RALB: variants seen among roughly 807,000 people sequenced by gnomAD.
RALB encodes RAS like proto-oncogene B.
In RALB, 16 loss-of-function variants were observed where a neutral mutation model predicts 21.3. The observed-to-expected ratio is 0.75, with a 90% CI of 0.51 to 1.14. RALB has a LOEUF of 1.14. Among genes scored for constraint, RALB ranks in the 50% most tolerant of loss-of-function variants. RALB has a pLI of 0.00. For missense variants in RALB, 161 were observed against 256.2 expected (o/e 0.63, Z 2.54); for synonymous variants, 93 against 96.1 (o/e 0.97, Z 0.19).
At chr2:120,278,584 A>G (rs1027872761) in intron 1 of RALB, 34 bp from the exon 2 acceptor site, 4 of 1,392,896 alleles carry the variant, frequency 2.9e-6, no homozygotes, top group Non-Finnish European at 3.8e-6. Context: ...TTGAAAGCAA[A>G]TCGCCTCTAA....
At chr2:120,260,167 T>G (rs2104591126) in intron 1 of RALB, among the ~76,000 whole-genome samples, 1 of 152,332 alleles carries the variant, frequency 6.6e-6, no homozygotes, top group South Asian at 2.1e-4. Flanking sequence ...GGGAGTGGGC[T>G]CCGGCCTTGG....
Position 120,289,587 on chromosome 2 carries a change from A to G in RALB, c.331A>G (p.Ile111Val). 2 of 1,613,890 alleles carry G rather than the reference A, an allele frequency of 1.2e-6. No homozygotes were observed. Among genetic ancestry groups the G allele is most frequent in the Non-Finnish European group, 1.7e-6 (2 of 1,179,864 alleles). The stretch of plus-strand genomic sequence containing the variant: ...TTTGGTGTAACACCTTAGGGAACAG[A>G]TTCTCCGTGTGAAGGCTGAAGAAGA... Reference protein sequence around the residue: ...FTATAEFREQILRVKAEEDKI... With the variant: ...FTATAEFREQVLRVKAEEDKI... Residue 111 changes from isoleucine to valine, a missense_variant, in exon 4 of 5, where the codon ATT becomes GTT. Ile to Val is a conservative substitution (Grantham distance 29, BLOSUM62 3). Coordinates refer to ENST00000272519, the MANE Select transcript of RALB (RefSeq NM_002881.3).
intron 3 of RALB, among the ~76,000 whole-genome samples, chr2:120,287,003 T>TA (rs1690179569): frequency 6.6e-6 from 1 of 152,246 alleles, no homozygotes; most frequent in Non-Finnish European, 1.5e-5. Flanking sequence ...AATTGAGTTT[T>TA]AAAAAATCTG....
At chr2:120,260,015 G>A (rs1014409826) in intron 1 of RALB, among the ~76,000 whole-genome samples, 5 of 152,206 alleles carry the variant, frequency 3.3e-5, no homozygotes, top group Admixed American at 6.5e-5. Flanking sequence ...CTCATTGCCC[G>A]GGGCCAGCAG....
In RALB at chr2:120,289,456, C is replaced by T. The variant is rs1573360083; in HGVS notation, c.324-124C>T. On this transcript the variant is annotated intron_variant, in intron 3 of 4. Coordinates refer to ENST00000272519, the MANE Select transcript of RALB (RefSeq NM_002881.3). ...AGGGAGTGCTTTCTCAGAACATGCC[C>T]TAAATCTAGTGATTTTTTTTTTTCC... 1.7e-5 allele frequency: 17 copies of T among 1,022,646 alleles called. No homozygotes were observed. In the Middle Eastern group the frequency reaches 1.6e-3, roughly 96 times the overall value. 63.3% of individuals were successfully genotyped at this position (1,022,646 alleles called of 1,614,324 possible).
At chr2:120,280,509 A>G (rs1193103776) in intron 2 of RALB, among the ~76,000 whole-genome samples, 1 of 129,148 alleles carries the variant, frequency 7.7e-6, no homozygotes, top group Non-Finnish European at 1.6e-5. Flanking sequence ...ATGAGAACGC[A>G]TGGACACAGG....
At chr2:120,259,000 G>A (rs573949067) in intron 1 of RALB, among the ~76,000 whole-genome samples, 3 of 152,156 alleles carry the variant, frequency 2.0e-5, no homozygotes, top group Non-Finnish European at 2.9e-5. Context: ...GCAGACCTTC[G>A]CGGTGAGTGT....
intron 3 of RALB, among the ~76,000 whole-genome samples, chr2:120,286,699 G>C (rs1690167068): frequency 6.6e-6 from 1 of 152,234 alleles, no homozygotes; most frequent in Non-Finnish European, 1.5e-5. Context: ...GAAATGAAAT[G>C]AAAGGATGTA....
intron 1 of RALB, among the ~76,000 whole-genome samples, chr2:120,246,838 G>A (rs1688978562): frequency 6.6e-6 from 1 of 152,086 alleles, no homozygotes; most frequent in African/African-American, 2.4e-5. Flanking sequence ...TGCGTCTGGT[G>A]TGGAGGCAGC....
intron 1 of RALB, among the ~76,000 whole-genome samples, chr2:120,275,455 A>G (rs1274893060): frequency 1.3e-5 from 2 of 152,200 alleles, no homozygotes; most frequent in African/African-American, 4.8e-5. Flanking sequence ...GCTCATGAGG[A>G]TCACCTGGGA....
At chr2:120,257,875 A>G (rs1227276772) in intron 1 of RALB, among the ~76,000 whole-genome samples, 1 of 152,204 alleles carries the variant, frequency 6.6e-6, no homozygotes, top group African/African-American at 2.4e-5. Flanking sequence ...ATTTTAGCCA[A>G]TGTGTTACCT....
chr2:120,243,422 A>G (rs910424657), intron 1 of RALB, among the ~76,000 whole-genome samples: 1 of 152,320 alleles, frequency 6.6e-6, no homozygotes, highest in African/African-American at 2.4e-5. Flanking sequence ...AGAAGGGCAC[A>G]TGCCACTGGA....
chr2:120,254,842 A>G (rs972701571), intron 1 of RALB, among the ~76,000 whole-genome samples: 1 of 151,934 alleles, frequency 6.6e-6, no homozygotes, highest in African/African-American at 2.4e-5. Context: ...TGCCAAGCTA[A>G]TTTTTGTATT....
upstream of RALB, among the ~76,000 whole-genome samples, chr2:120,249,624 G>A (rs1689022993): frequency 1.3e-5 from 2 of 152,140 alleles, no homozygotes; most frequent in African/African-American, 4.8e-5. Context: ...CATTGCCAAG[G>A]AGTAGCACTA....
chr2:120,261,357 C>G (rs1335678888), intron 1 of RALB, among the ~76,000 whole-genome samples: 1 of 151,990 alleles, frequency 6.6e-6, no homozygotes, highest in Non-Finnish European at 1.5e-5. Flanking sequence ...AATGTGTACT[C>G]CATGAGGCTG....
chr2:120,254,294 G>A (rs572206753), intron 1 of RALB, among the ~76,000 whole-genome samples: 93 of 152,302 alleles, frequency 6.1e-4, no homozygotes, highest in Non-Finnish European at 1.1e-3. Context: ...GGAGAAGAAG[G>A]CCAGGGAGAC....
chr2:120,251,035 C>T (rs921722186), upstream of RALB, among the ~76,000 whole-genome samples: 40 of 152,210 alleles, frequency 2.6e-4, no homozygotes, highest in African/African-American at 9.4e-4. Context: ...AAAGGAATGG[C>T]ACTTCAGCAC....
In RALB at chr2:120,289,665, C is replaced by CAGGT. The variant is rs1690260764; in HGVS notation, c.410_413dup (p.Pro139GlyfsTer9). On this transcript the variant is annotated frameshift_variant, in exon 4 of 5. Coordinates refer to ENST00000272519, the MANE Select transcript of RALB (RefSeq NM_002881.3). LOFTEE classifies it high-confidence loss of function. ...CAAGTCTGACCTAGAGGAGCGGAGGCAGGTGCCTGTGGAGGAGGCCAGGAG... is the reference window on the plus strand; with the variant it reads ...CAAGTCTGACCTAGAGGAGCGGAGGCAGGTAGGTGCCTGTGGAGGAGGCCAGGAG... 1.2e-6 allele frequency: 2 copies of CAGGT among 1,614,060 alleles called. No individual in the cohort carries two copies. The highest frequency in any genetic ancestry group is 1.7e-6 in the Non-Finnish European group (2 of 1,180,030).
chr2:120,291,895 ATCTTGCTTTTCACCAAGAAGAAG>A (rs1690313073), intron 4 of RALB, among the ~76,000 whole-genome samples: 1 of 152,034 alleles, frequency 6.6e-6, no homozygotes, highest in Non-Finnish European at 1.5e-5. Context: ...CAGAGGCTTG[ATCTTGCTTTTCACCAAGAAGAAG>A]GTGTGGCCAT....
Sources: gnomAD v4.1 joint callset for allele counts (sites outside exome capture counted in the v4.1 genomes callset) on GRCh38, gnomAD v4.1.1 for gene constraint, MANE v1.5 for transcripts, NCBI Gene and HGNC (gene_info 2026-07-23, HGNC 2026-07-21) for gene names.